KCNB2: variants seen among roughly 807,000 people sequenced by gnomAD.
KCNB2 encodes potassium voltage-gated channel subfamily B member 2, also known as delayed rectifier potassium channel protein.
Under a neutral mutation model 61.5 loss-of-function variants are expected in KCNB2, and 15 were observed. That is an observed-to-expected ratio of 0.24 (90% confidence interval 0.16 to 0.38). The LOEUF is 0.38. Ranked by LOEUF, KCNB2 falls within the 10% of genes least tolerant of loss-of-function variation. The probability of loss-of-function intolerance (pLI) is 1.00; values close to 1 mark genes in which losing one functional copy is unlikely to be tolerated. For missense variants in KCNB2, 828 were observed against 1,125.2 expected (o/e 0.74, Z 3.78); for synonymous variants, 457 against 446.0 (o/e 1.02, Z -0.31).
intron 2 of KCNB2, among the ~76,000 whole-genome samples, chr8:72,599,668 G>C (rs775511411): frequency 6.6e-6 from 1 of 152,072 alleles, no homozygotes; most frequent in East Asian, 1.9e-4. Flanking sequence ...CAACCTACAG[G>C]ATGGGAGAAA....
chr8:72,846,591 G>T (rs1341467818), intron 2 of KCNB2, among the ~76,000 whole-genome samples: 1 of 151,844 alleles, frequency 6.6e-6, no homozygotes, highest in East Asian at 1.9e-4. Flanking sequence ...TCAAAAAGTG[G>T]GCAAAGAATA....
At chr8:72,676,784 G>T (rs1014195236) in intron 2 of KCNB2, among the ~76,000 whole-genome samples, 1 of 152,068 alleles carries the variant, frequency 6.6e-6, no homozygotes. Context: ...GGAAATTTAA[G>T]CAATCACAGG....
At chr8:72,858,099 A>C (rs2129003814) in intron 2 of KCNB2, among the ~76,000 whole-genome samples, 1 of 152,282 alleles carries the variant, frequency 6.6e-6, no homozygotes, top group East Asian at 1.9e-4. Context: ...TTAAATGTTA[A>C]AACTGAGCAT....
intron 2 of KCNB2, among the ~76,000 whole-genome samples, chr8:72,840,375 G>A (rs1809860327): frequency 6.6e-6 from 1 of 152,264 alleles, no homozygotes; most frequent in African/African-American, 2.4e-5. Flanking sequence ...AAACATACAT[G>A]TGCATGTGTC....
intron 2 of KCNB2, among the ~76,000 whole-genome samples, chr8:72,849,496 T>C (rs1810055721): frequency 6.6e-6 from 1 of 152,200 alleles, no homozygotes; most frequent in Non-Finnish European, 1.5e-5. Flanking sequence ...TCTACCAATC[T>C]TTCTAATGCT....
chr8:72,893,211 A>G (rs1357733252), intron 2 of KCNB2, among the ~76,000 whole-genome samples: 2 of 151,900 alleles, frequency 1.3e-5, no homozygotes, highest in Non-Finnish European at 2.9e-5. Context: ...TATTCTGCTT[A>G]TTAAAAAAAA....
At chr8:72,845,776 G>C (rs1296837769) in intron 2 of KCNB2, among the ~76,000 whole-genome samples, 1 of 40,858 alleles carries the variant, frequency 2.4e-5, no homozygotes, top group East Asian at 2.6e-4. Flanking sequence ...AGTAATGGCA[G>C]ATGCCCCTCC....
chr8:72,846,459 T>G (rs959283064), intron 2 of KCNB2, among the ~76,000 whole-genome samples: 2 of 151,878 alleles, frequency 1.3e-5, no homozygotes, highest in Non-Finnish European at 2.9e-5. Context: ...GAAACTACCA[T>G]CAGAGTGAAC....
intron 2 of KCNB2, among the ~76,000 whole-genome samples, chr8:72,725,806 T>C (rs951623291): frequency 6.6e-6 from 1 of 151,542 alleles, no homozygotes; most frequent in Admixed American, 6.6e-5. Flanking sequence ...AGTAAGCCCT[T>C]AGTAATGATT....
At chr8:72,607,516 C>T (rs1232605701) in intron 2 of KCNB2, among the ~76,000 whole-genome samples, 1 of 152,114 alleles carries the variant, frequency 6.6e-6, no homozygotes, top group African/African-American at 2.4e-5. Flanking sequence ...GCTGGCATGT[C>T]CTGGCAAATG....
intron 2 of KCNB2, among the ~76,000 whole-genome samples, chr8:72,598,992 G>T (rs1484552190): frequency 6.6e-6 from 1 of 152,178 alleles, no homozygotes; most frequent in Admixed American, 6.5e-5. Context: ...TGGGTAGGAA[G>T]AATCAATATC....
chr8:72,630,291 T>G (rs1220930596), intron 2 of KCNB2, among the ~76,000 whole-genome samples: 1 of 152,170 alleles, frequency 6.6e-6, no homozygotes, highest in Non-Finnish European at 1.5e-5. Flanking sequence ...TTTTTTTCTT[T>G]TCTAGAATAT....
intron 2 of KCNB2, among the ~76,000 whole-genome samples, chr8:72,725,587 G>GTATGTATATATATATATATATATATATA (rs1807630905): frequency 4.0e-5 from 1 of 25,218 alleles, no homozygotes; most frequent in Non-Finnish European, 9.6e-5. Flanking sequence ...ATATATATAT[G>GTATGTATATATATATATATATATATATA]TATGTATATA....
At chr8:72,771,363 A>T (rs1485261813) in intron 2 of KCNB2, among the ~76,000 whole-genome samples, 1 of 152,046 alleles carries the variant, frequency 6.6e-6, no homozygotes, top group Admixed American at 6.5e-5. Flanking sequence ...CTTTTTATAT[A>T]TTTTTTATTT....
intron 2 of KCNB2, among the ~76,000 whole-genome samples, chr8:72,656,646 A>T (rs567584969): frequency 2.0e-5 from 3 of 152,136 alleles, no homozygotes; most frequent in Non-Finnish European, 4.4e-5. Context: ...AGGTTTTCAC[A>T]ATTTGGTCGT....
intron 2 of KCNB2, among the ~76,000 whole-genome samples, chr8:72,694,657 A>C (rs923231621): frequency 1.3e-5 from 2 of 152,134 alleles, no homozygotes; most frequent in African/African-American, 4.8e-5. Flanking sequence ...AGTCATTGAT[A>C]AGCATATTTT....
At chr8:72,599,890 CAATGA>C (rs1433525234) in intron 2 of KCNB2, among the ~76,000 whole-genome samples, 2 of 152,158 alleles carry the variant, frequency 1.3e-5, no homozygotes, top group African/African-American at 4.8e-5. Context: ...ATCAAAACCA[CAATGA>C]GATACCATCT....
At chr8:72,669,642 T>A (rs930038373) in intron 2 of KCNB2, among the ~76,000 whole-genome samples, 4 of 152,210 alleles carry the variant, frequency 2.6e-5, no homozygotes, top group Admixed American at 6.5e-5. Flanking sequence ...TTCATTCAGA[T>A]TTTTTACAAG....
chr8:72,909,829 C>T (rs1349556337), intron 2 of KCNB2, among the ~76,000 whole-genome samples: 3 of 152,076 alleles, frequency 2.0e-5, no homozygotes, highest in African/African-American at 4.8e-5. Context: ...GATGGTGGGA[C>T]CTTCCCCTAA....
Sources: gnomAD v4.1 joint callset for allele counts (sites outside exome capture counted in the v4.1 genomes callset) on GRCh38, gnomAD v4.1.1 for gene constraint, MANE v1.5 for transcripts, NCBI Gene and HGNC (gene_info 2026-07-23, HGNC 2026-07-21) for gene names.